The following ZNF831 variants were observed in gnomAD, a reference collection of about 807,000 sequenced individuals.
ZNF831 encodes the protein zinc finger protein 831.
Under a neutral mutation model 95.8 loss-of-function variants are expected in ZNF831, and 59 were observed. That is an observed-to-expected ratio of 0.62 (90% CI 0.50 to 0.77). The LOEUF (loss-of-function observed/expected upper bound fraction) is 0.77, where lower values mean the gene tolerates loss of function less well. Ranked by LOEUF, ZNF831 falls within the 30% of genes least tolerant of loss-of-function variation. The pLI, the probability that ZNF831 is intolerant of heterozygous loss-of-function variation, is 0.00. For missense variants in ZNF831, 2,205 were observed against 2,164.0 expected (o/e 1.02, Z -0.38); for synonymous variants, 961 against 925.5 (o/e 1.04, Z -0.70).
rs1346464822 is a variant in ZNF831, at chr20:59,254,589, T to C, written c.4880T>C (p.Val1627Ala). ...GGATTAATCACTCGGAAAGATTCTG[T>C]GGTTCCTTCTAAGCCAGAGCAGCCC... ...VSGLITRKDS[V>A]VPSKPEQPIE... is the part of the protein sequence containing the mutation. The change falls in exon 6 of 6, where the codon GTG becomes GCG. Residue 1627 changes from valine (V) to alanine (A), a missense_variant. Transcript: ENST00000371030. The surrounding 1 kb of genome is among the most constrained non-coding windows in gnomAD (Gnocchi z 4.5). 1.9e-6 allele frequency: 3 copies of C among 1,614,058 alleles called. No homozygotes were observed. The highest frequency in any genetic ancestry group is 1.7e-6 in the Non-Finnish European group (2 of 1,180,012).
rs1179959406 is a variant in ZNF831, at chr20:59,192,102, C to A, written c.1083C>A (p.Ser361Arg). 6.3e-7 allele frequency: 1 copy of A among 1,588,920 alleles called. No individual in the cohort carries two copies. The highest frequency in any genetic ancestry group is 8.5e-7 in the Non-Finnish European group (1 of 1,172,328). ...DSAEQPHAPCSPLHSLSEHSA... is the reference protein window; with the variant it reads ...DSAEQPHAPCRPLHSLSEHSA... ...CGGAGCAGCCGCATGCGCCCTGCAGCCCCCTGCACAGCCTTTCGGAGCACA... is the reference window on the plus strand; with the variant it reads ...CGGAGCAGCCGCATGCGCCCTGCAGACCCCTGCACAGCCTTTCGGAGCACA... Residue 361 changes from serine (S) to arginine (R), a missense_variant, in exon 2 of 6, where the codon AGC becomes AGA. Coordinates refer to ENST00000371030, the MANE Select transcript of ZNF831 (RefSeq NM_178457.3). This position sits in a 1 kb window ranked among gnomAD's most constrained non-coding sequence, Gnocchi z 5.2.
intron 4 of ZNF831, among the ~76,000 whole-genome samples, chr20:59,225,501 G>C (rs532253155): frequency 1.4e-4 from 22 of 152,210 alleles, no homozygotes; most frequent in Admixed American, 3.9e-4. Context: ...TGCTTAGAAG[G>C]ATGAGAAACT....
At chr20:59,148,399 C>CATGAGAGCAAGCAGGGTGCTGACTCT (rs1568725851) in intron 2 of ZNF831, among the ~76,000 whole-genome samples, 2 of 147,878 alleles carry the variant, frequency 1.4e-5, no homozygotes, top group African/African-American at 5.1e-5. Context: ...TAGAACAGAG[C>CATGAGAGCAAGCAGGGTGCTGACTCT]GGCCGGGCGC....
intron 3 of ZNF831, among the ~76,000 whole-genome samples, chr20:59,197,706 G>A (rs1288797797): frequency 6.6e-6 from 1 of 152,124 alleles, no homozygotes; most frequent in Non-Finnish European, 1.5e-5. Flanking sequence ...ACAAAACAAG[G>A]CCTCCCTGCC....
chr20:59,196,027 G>C (rs1984077658), intron 3 of ZNF831, 22 bp downstream of exon 3: 1 of 1,610,378 alleles, frequency 6.2e-7, no homozygotes, highest in East Asian at 2.2e-5. Flanking sequence ...GGCCACCTCT[G>C]TCATTTCCAC....
intron 1 of ZNF831, among the ~76,000 whole-genome samples, chr20:59,183,631 G>A (rs1197692547): frequency 6.6e-6 from 1 of 152,176 alleles, no homozygotes. Context: ...GGCAAAACAT[G>A]ACATCATGGT....
rs1470936579 is a variant in ZNF831 at position 59,192,416 on chromosome 20, C to A, written c.1397C>A (p.Ala466Asp). The part of the protein sequence containing the change: ...IRALEPGRRR[A>D]PGPVRSTWTP... ...GCGCTGGAGCCAGGCCGTAGGAGGG[C>A]CCCGGGCCCCGTGCGCTCCACCTGG... The change falls in exon 2 of 6, where the codon GCC becomes GAC. Residue 466 changes from alanine to aspartate, a missense_variant. By Grantham distance (126) the Ala-to-Asp change is moderately radical. Coordinates refer to ENST00000371030, the MANE Select transcript of ZNF831 (RefSeq NM_178457.3). This position sits in a 1 kb window ranked among gnomAD's most constrained non-coding sequence, Gnocchi z 5.2. The A allele has an allele frequency of 2.5e-6, 4 of 1,610,946 alleles. No homozygotes were observed. The highest frequency in any genetic ancestry group is 3.4e-6 in the Non-Finnish European group (4 of 1,178,980).
At chr20:59,183,213 C>T (rs1177546801) in intron 1 of ZNF831, among the ~76,000 whole-genome samples, 2 of 152,190 alleles carry the variant, frequency 1.3e-5, no homozygotes. Flanking sequence ...AAGTCTGTCC[C>T]TGAGTAGAGG....
At chr20:59,243,498 G>A (rs1987440751) in intron 4 of ZNF831, among the ~76,000 whole-genome samples, 1 of 152,170 alleles carries the variant, frequency 6.6e-6, no homozygotes. Context: ...GGAGGTGGGA[G>A]GAGACACCCT....
Position 59,254,148 on chromosome 20 carries a change from C to A in ZNF831, c.4439C>A (p.Thr1480Asn), listed in dbSNP as rs2146764815. The change falls in exon 6 of 6, where the codon ACT becomes AAT. Residue 1480 changes from threonine to asparagine, a missense_variant. Thr to Asn is a moderately conservative substitution (Grantham distance 65). Coordinates refer to ENST00000371030, the MANE Select transcript of ZNF831 (RefSeq NM_178457.3). The surrounding 1 kb of genome is among the most constrained non-coding windows in gnomAD (Gnocchi z 4.5). ...QRPSSFGSKG[T>N]FPHHDIATSV... ...CCTTCTTCCTTTGGGTCCAAAGGAA[C>A]TTTTCCCCACCATGACATTGCTACC... The A allele has an allele frequency of 6.2e-7, 1 of 1,614,118 alleles. No homozygotes were observed. Among genetic ancestry groups the A allele is most frequent in the Middle Eastern group, 1.6e-4 (1 of 6,062 alleles).
Position 59,254,549 on chromosome 20 carries a change from A to C in ZNF831, c.4840A>C (p.Lys1614Gln), listed in dbSNP as rs2146771649. The change falls in exon 6 of 6, where the codon AAA (lysine) becomes CAA (glutamine). Residue 1614 changes from lysine to glutamine, a missense_variant. Lys to Gln is a moderately conservative substitution (Grantham distance 53, BLOSUM62 1). Coordinates refer to ENST00000371030, the MANE Select transcript of ZNF831 (RefSeq NM_178457.3). The surrounding 1 kb of genome is among the most constrained non-coding windows in gnomAD (Gnocchi z 4.5). The stretch of plus-strand genomic sequence containing the variant: ...CCCCTCTTTAGGAAGTGACGGTAGG[A>C]AACGTCAGGTATCTGGATTAATCAC... ...PCPSLGSDGR[K>Q]RQVSGLITRK... 1 of 1,614,094 alleles carries C rather than the reference A, an allele frequency of 6.2e-7. No homozygotes were observed. Among genetic ancestry groups the C allele is most frequent in the Non-Finnish European group, 8.5e-7 (1 of 1,180,032 alleles).
intron 2 of ZNF831, among the ~76,000 whole-genome samples, chr20:59,158,469 G>A (rs1980661423): frequency 6.6e-6 from 1 of 152,222 alleles, no homozygotes; most frequent in African/African-American, 2.4e-5. Context: ...TGGGTCAGGA[G>A]GACATTGTCT....
intron 4 of ZNF831, among the ~76,000 whole-genome samples, chr20:59,243,428 G>C (rs138366888): frequency 6.6e-6 from 1 of 152,214 alleles, no homozygotes; most frequent in Non-Finnish European, 1.5e-5. Flanking sequence ...TCAAGTAGAT[G>C]AGAGTTATTT....
chr20:59,133,726 A>G (rs1259293722), intron 1 of ZNF831, among the ~76,000 whole-genome samples: 1 of 152,186 alleles, frequency 6.6e-6, no homozygotes, highest in African/African-American at 2.4e-5. Flanking sequence ...ATCTCCCTGC[A>G]TTCTGTCATT....
intron 4 of ZNF831, among the ~76,000 whole-genome samples, chr20:59,247,256 G>C (rs1987661367): frequency 1.3e-5 from 2 of 152,034 alleles, no homozygotes; most frequent in Non-Finnish European, 2.9e-5. Context: ...GTTGGGTTGG[G>C]GTCCTATTTC....
Position 59,191,627 on chromosome 20 carries a change from C to G in ZNF831, c.608C>G (p.Ser203Cys). The G allele has an allele frequency of 1.3e-6, 2 of 1,581,254 alleles. No homozygotes were observed. Among genetic ancestry groups the G allele is most frequent in the Non-Finnish European group, 8.6e-7 (1 of 1,162,084 alleles). ...ACGCACCTCAACAACTCCCGGCTGTCCTCAGAGTCCGAGGGCGCCGGGGGC... is the reference window on the plus strand; with the variant it reads ...ACGCACCTCAACAACTCCCGGCTGTGCTCAGAGTCCGAGGGCGCCGGGGGC... ...TQTHLNNSRL[S>C]SESEGAGGGL... Residue 203 changes from serine to cysteine, a missense_variant, in exon 2 of 6, where the codon TCC (serine) becomes TGC (cysteine). Physicochemically the swap from Ser to Cys is moderately radical, Grantham distance 112 (BLOSUM62 -1). Coordinates refer to ENST00000371030, the MANE Select transcript of ZNF831 (RefSeq NM_178457.3).
At chr20:59,176,116 A>T (rs1178164664) in intron 1 of ZNF831, among the ~76,000 whole-genome samples, 1 of 152,244 alleles carries the variant, frequency 6.6e-6, no homozygotes, top group African/African-American at 2.4e-5. Flanking sequence ...GCACACCCAC[A>T]CCGTAAAACA....
At chr20:59,203,250 G>A (rs1354774804) in intron 3 of ZNF831, among the ~76,000 whole-genome samples, 1 of 152,090 alleles carries the variant, frequency 6.6e-6, no homozygotes, top group Admixed American at 6.5e-5. Flanking sequence ...AGACAACTAT[G>A]GACCACGGGT....
At position 59,191,981 on chromosome 20, in the gene ZNF831, C is replaced by T. The variant is rs763032383; in HGVS notation, c.962C>T (p.Thr321Met). The T allele has an allele frequency of 1.6e-5, 26 of 1,606,616 alleles. No individual in the cohort carries two copies. Among genetic ancestry groups the T allele is most frequent in the Non-Finnish European group, 2.0e-5 (24 of 1,177,448 alleles). ...TGCGCCCTGCAGCGGCAGCAGGCGACGGCAGCGGAGAAGCCCTGGGATGCC... is the reference window on the plus strand; with the variant it reads ...TGCGCCCTGCAGCGGCAGCAGGCGATGGCAGCGGAGAAGCCCTGGGATGCC... ...KPCALQRQQA[T>M]AAEKPWDAKA... The change falls in exon 2 of 6, where the codon ACG (threonine) becomes ATG (methionine). Residue 321 changes from threonine (T) to methionine (M), a missense_variant. Physicochemically the swap from Thr to Met is moderately conservative, Grantham distance 81. Transcript: ENST00000371030.
Sources: allele counts gnomAD v4.1 joint callset (sites outside exome capture counted in the v4.1 genomes callset), GRCh38; gene constraint gnomAD v4.1.1; non-coding constraint Gnocchi (gnomAD v3.1); transcripts MANE v1.5; gene names NCBI Gene and HGNC (gene_info 2026-07-23, HGNC 2026-07-21).